CD109: variants seen among roughly 807,000 people sequenced by gnomAD.
The protein encoded by CD109 is CD109 antigen.
Under a neutral mutation model 165.8 loss-of-function variants are expected in CD109, and 149 were observed. That is an observed-to-expected ratio of 0.90 (90% confidence interval 0.79 to 1.03). The LOEUF is 1.03. CD109 is among the 50% of genes least tolerant of loss of function. CD109 has a pLI of 0.00. For missense variants in CD109, 1,712 were observed against 1,677.8 expected (o/e 1.02, Z -0.36); for synonymous variants, 585 against 592.1 (o/e 0.99, Z 0.18).
chr6:73,766,289 GA>G (rs1285936823), intron 11 of CD109, 135 bp downstream of exon 11: 1 of 717,860 alleles, frequency 1.4e-6, no homozygotes, highest in Non-Finnish European at 2.3e-6. Flanking sequence ...AAATGGAGGA[GA>G]GTGGTAAAAG....
chr6:73,765,656 A>C (rs973983909), intron 10 of CD109, among the ~76,000 whole-genome samples: 1 of 152,150 alleles, frequency 6.6e-6, no homozygotes, highest in South Asian at 2.1e-4. Flanking sequence ...GAGAGGAAAG[A>C]GGAACTGAAA....
chr6:73,814,035 G>T (rs1166645852), intron 29 of CD109, among the ~76,000 whole-genome samples: 1 of 152,116 alleles, frequency 6.6e-6, no homozygotes, highest in Non-Finnish European at 1.5e-5. Context: ...GTGGATGAAG[G>T]ATTATATCAG....
chr6:73,727,243 T>C (rs544868166), intron 3 of CD109, among the ~76,000 whole-genome samples: 3 of 152,254 alleles, frequency 2.0e-5, no homozygotes, highest in Middle Eastern at 3.4e-3. Flanking sequence ...GAGGTCTGCA[T>C]TGACACCACA....
chr6:73,750,714 A>G (rs550396552), intron 5 of CD109, among the ~76,000 whole-genome samples: 12 of 152,220 alleles, frequency 7.9e-5, no homozygotes, highest in Non-Finnish European at 1.5e-4. Context: ...AATTTCATTT[A>G]TGTTATGGTA....
At chr6:73,807,889 A>G (rs1775625585) in intron 25 of CD109, among the ~76,000 whole-genome samples, 194 bp from the exon 26 acceptor site, 1 of 152,208 alleles carries the variant, frequency 6.6e-6, no homozygotes, top group South Asian at 2.1e-4. Context: ...ACTGAAAAAC[A>G]GTATTATTTT....
the CD109 span, among the ~76,000 whole-genome samples, chr6:73,680,229 C>A: frequency 6.6e-6 from 1 of 151,838 alleles, no homozygotes; most frequent in African/African-American, 2.4e-5. Context: ...ATTTTTTATT[C>A]TTTTTCTTTA....
At chr6:73,754,684 AG>A (rs989947613) in intron 5 of CD109, among the ~76,000 whole-genome samples, 10 of 152,340 alleles carry the variant, frequency 6.6e-5, no homozygotes, top group Admixed American at 5.2e-4. Context: ...ATTTTGTACT[AG>A]GTGCTATAAC....
intron 20 of CD109, among the ~76,000 whole-genome samples, chr6:73,785,708 C>T (rs1473375720): frequency 2.6e-5 from 4 of 152,230 alleles, no homozygotes; most frequent in South Asian, 2.1e-4. Context: ...ATAGGTTTTC[C>T]TCTTTTGCCA....
intron 2 of CD109, among the ~76,000 whole-genome samples, chr6:73,718,708 A>G (rs1232001241): frequency 1.3e-5 from 2 of 152,028 alleles, no homozygotes; most frequent in Non-Finnish European, 2.9e-5. Context: ...TCACATGTCT[A>G]TGTCTCAGTG....
chr6:73,784,346 T>C (rs1417662729), intron 19 of CD109, among the ~76,000 whole-genome samples: 1 of 152,242 alleles, frequency 6.6e-6, no homozygotes, highest in African/African-American at 2.4e-5. Flanking sequence ...AATAATCGTA[T>C]TCATGAAAAA....
At chr6:73,761,221 G>T (rs1773618119) in intron 7 of CD109, among the ~76,000 whole-genome samples, 1 of 152,202 alleles carries the variant, frequency 6.6e-6, no homozygotes, top group Non-Finnish European at 1.5e-5. Flanking sequence ...ATTGGAACAT[G>T]TAGCAATAGA....
In CD109 at chr6:73,762,795, G is replaced by C. The variant is rs749179661; in HGVS notation, c.910G>C (p.Asp304His). ...TGATGAAGAGATGAAAAATGTAATG[G>C]ATTCTTCAAATGGACTTTCTGAATA... ...FNDEEMKNVM[D>H]SSNGLSEYLD... Residue 304 changes from aspartate to histidine, a missense_variant, in exon 9 of 33, where the codon GAT becomes CAT. By Grantham distance (81) the Asp-to-His change is moderately conservative. Coordinates refer to ENST00000287097, the MANE Select transcript of CD109 (RefSeq NM_133493.5). 7.5e-6 allele frequency: 12 copies of C among 1,609,948 alleles called. No individual in the cohort carries two copies. The South Asian group carries it at 1.2e-4, about 16-fold the overall frequency.
intron 27 of CD109, among the ~76,000 whole-genome samples, chr6:73,810,612 A>C (rs1014125403): frequency 2.6e-5 from 4 of 152,096 alleles, no homozygotes; most frequent in Non-Finnish European, 5.9e-5. Context: ...AGCAAAATTC[A>C]GTGGGATCTA....
chr6:73,762,440 C>T lies in CD109; in HGVS notation c.815C>T (p.Ser272Phe). 1 of 1,612,294 alleles carries T rather than the reference C, an allele frequency of 6.2e-7. No homozygotes were observed. Among genetic ancestry groups the T allele is most frequent in the Non-Finnish European group, 8.5e-7 (1 of 1,178,676 alleles). The change falls in exon 8 of 33, where the codon TCC becomes TTC. Residue 272 changes from serine (S) to phenylalanine (F), a missense_variant. Ser to Phe is a radical substitution (Grantham distance 155). Coordinates refer to ENST00000287097, the MANE Select transcript of CD109 (RefSeq NM_133493.5). Reference sequence around the variant, plus strand: ...GTAACGCTTACATTTTTACCTTTATCCTTTTGGGGAAAGAAGAAAAATATT... The same window carrying T: ...GTAACGCTTACATTTTTACCTTTATTCTTTTGGGGAAAGAAGAAAAATATT... ...GDVTLTFLPL[S>F]FWGKKKNITK...
At chr6:73,733,322 A>G (rs1772433482) in intron 4 of CD109, among the ~76,000 whole-genome samples, 1 of 152,196 alleles carries the variant, frequency 6.6e-6, no homozygotes, top group Non-Finnish European at 1.5e-5. Flanking sequence ...CATCTTGCCC[A>G]GCTAGAAATG....
intron 5 of CD109, among the ~76,000 whole-genome samples, chr6:73,739,975 C>T (rs957425154): frequency 1.3e-5 from 2 of 152,192 alleles, no homozygotes; most frequent in African/African-American, 4.8e-5. Context: ...CTCAAGTGAT[C>T]CTCCTGCCTC....
At chr6:73,722,836 A>G (rs548265514) in intron 2 of CD109, among the ~76,000 whole-genome samples, 1 of 152,326 alleles carries the variant, frequency 6.6e-6, no homozygotes, top group East Asian at 1.9e-4. Flanking sequence ...CACCCCTGAC[A>G]TGACTAATGC....
intron 3 of CD109, among the ~76,000 whole-genome samples, chr6:73,728,308 T>TCAAAACAAAA (rs573815888): frequency 1.3e-5 from 2 of 152,046 alleles, no homozygotes; most frequent in African/African-American, 2.4e-5. Flanking sequence ...AGAGTTCGTC[T>TCAAAACAAAA]CAAAACAAAA....
chr6:73,765,266 A>G (rs1773791206), intron 10 of CD109, among the ~76,000 whole-genome samples: 1 of 149,256 alleles, frequency 6.7e-6, no homozygotes, highest in South Asian at 2.2e-4. Context: ...GAGTGAGGGG[A>G]TGGGCAGCCT....
Sources: allele counts gnomAD v4.1 joint callset (sites outside exome capture counted in the v4.1 genomes callset), GRCh38; gene constraint gnomAD v4.1.1; transcripts MANE v1.5; gene names NCBI Gene and HGNC (gene_info 2026-07-23, HGNC 2026-07-21).